SLC25A37: variants seen among roughly 807,000 people sequenced by gnomAD.
SLC25A37 encodes solute carrier family 25 member 37.
SLC25A37 carries 17 observed loss-of-function variants against 31.0 expected under a neutral mutation model. The observed-to-expected ratio is 0.55, with a 90% CI of 0.38 to 0.82. The LOEUF (loss-of-function observed/expected upper bound fraction) is 0.82, where lower values mean the gene tolerates loss of function less well. Ranked by LOEUF, SLC25A37 falls within the 40% of genes least tolerant of loss-of-function variation. The probability of loss-of-function intolerance (pLI) is 0.00; values close to 1 mark genes in which losing one functional copy is unlikely to be tolerated. For missense variants in SLC25A37, 404 were observed against 465.8 expected (o/e 0.87, Z 1.22); for synonymous variants, 222 against 193.0 (o/e 1.15, Z -1.24).
chr8:23,556,223 A>G (rs1285513270), intron 1 of SLC25A37, among the ~76,000 whole-genome samples: 1 of 141,056 alleles, frequency 7.1e-6, no homozygotes, highest in African/African-American at 2.7e-5. Flanking sequence ...AAACATTAAG[A>G]GCACCAATTT....
At chr8:23,559,195 G>A (rs956225803) in intron 1 of SLC25A37, among the ~76,000 whole-genome samples, 1 of 152,202 alleles carries the variant, frequency 6.6e-6, no homozygotes, top group Admixed American at 6.5e-5. Flanking sequence ...ATGGTAATGT[G>A]CTTATGCATT....
rs1429944957 is a variant in SLC25A37 at position 23,572,499 on chromosome 8, C to T, written c.*644C>T. 1.3e-5 allele frequency: 2 copies of T among 152,516 alleles called. No homozygotes were observed. The highest frequency in any genetic ancestry group is 3.8e-4 in the East Asian group (2 of 5,196). 9.4% of individuals were successfully genotyped at this position (152,516 alleles called of 1,614,324 possible). A position where few individuals can be genotyped will look rare whatever the true frequency, so the allele number is the denominator to read the frequency against. On this transcript the variant is annotated 3_prime_UTR_variant, in exon 4 of 4. Transcript: ENST00000519973. Reference sequence around the variant, plus strand: ...TGTGGCCGGCAGCTGTGTTTAGCCCCTCCAGATGGAAGTTTCACTTGAATG... The same window carrying T: ...TGTGGCCGGCAGCTGTGTTTAGCCCTTCCAGATGGAAGTTTCACTTGAATG...
rs1310095271 is a variant in SLC25A37, at chr8:23,571,716, A to G, written c.878A>G (p.Asn293Ser). 6.2e-7 allele frequency: 1 copy of G among 1,614,026 alleles called. No individual in the cohort carries two copies. Among genetic ancestry groups the G allele is most frequent in the Non-Finnish European group, 8.5e-7 (1 of 1,179,892 alleles). ...GCCTTCCGGACGGTGTACCAGCTCA[A>G]CGGCCTGGCCGGCTACTTCAAAGGC... ...ANAFRTVYQL[N>S]GLAGYFKGIQ... Residue 293 changes from asparagine (N) to serine (S), a missense_variant, in exon 4 of 4, where the codon AAC becomes AGC. Asn to Ser is a conservative substitution (Grantham distance 46, BLOSUM62 1). Transcript: ENST00000519973.
intron 1 of SLC25A37, among the ~76,000 whole-genome samples, chr8:23,530,802 G>T (rs1423742422): frequency 6.6e-6 from 1 of 152,214 alleles, no homozygotes; most frequent in African/African-American, 2.4e-5. Flanking sequence ...ACCCCACAGT[G>T]AGTTCACTTT....
At chr8:23,564,161 A>G (rs1205238947) in intron 1 of SLC25A37, among the ~76,000 whole-genome samples, 2 of 152,032 alleles carry the variant, frequency 1.3e-5, no homozygotes, top group Admixed American at 6.5e-5. Context: ...CTTTCTGGGC[A>G]AAATAAAAAG....
intron 1 of SLC25A37, among the ~76,000 whole-genome samples, chr8:23,530,528 T>G (rs990206000): frequency 3.3e-5 from 5 of 152,240 alleles, no homozygotes; most frequent in African/African-American, 1.2e-4. Context: ...CTGCTGGACC[T>G]AAGCCTGAGC....
intron 1 of SLC25A37, among the ~76,000 whole-genome samples, chr8:23,546,538 T>G (rs1317905613): frequency 4.5e-5 from 1 of 22,044 alleles, no homozygotes; most frequent in Non-Finnish European, 7.9e-5. Flanking sequence ...GGTGTATATA[T>G]ATATATATAT....
chr8:23,544,234 A>T (rs1354653497), intron 1 of SLC25A37, among the ~76,000 whole-genome samples: 1 of 152,228 alleles, frequency 6.6e-6, no homozygotes, highest in Non-Finnish European at 1.5e-5. Flanking sequence ...TGCAGTATTC[A>T]GTACAGTAGC....
rs535931723 is a variant in SLC25A37, at chr8:23,551,181, G to T, written c.211-14927G>T. ...AGAGCACTTTTGTCTGGGCCTCTGT[G>T]CCAGTGTAAACTGATAATAGTGATT... On this transcript the variant is annotated intron_variant, in intron 1 of 3. Coordinates refer to ENST00000519973, the MANE Select transcript of SLC25A37 (RefSeq NM_016612.4). Among the ~76,000 whole-genome samples, 4 of 152,340 alleles carry T rather than the reference G, an allele frequency of 2.6e-5. No individual in the cohort carries two copies. In the South Asian group the frequency reaches 6.2e-4, roughly 24 times the overall value.
intron 1 of SLC25A37, among the ~76,000 whole-genome samples, chr8:23,550,334 C>CT (rs1309679462): frequency 9.9e-6 from 1 of 101,238 alleles, no homozygotes; most frequent in Non-Finnish European, 1.7e-5. Flanking sequence ...GATCACAGTG[C>CT]TGCCGCCCTC....
intron 1 of SLC25A37, among the ~76,000 whole-genome samples, chr8:23,538,827 C>T (rs1434691328): frequency 6.6e-6 from 1 of 152,146 alleles, no homozygotes; most frequent in Non-Finnish European, 1.5e-5. Context: ...CAAGGTCTGG[C>T]GTGTATGGAC....
intron 1 of SLC25A37, among the ~76,000 whole-genome samples, chr8:23,548,949 A>G (rs1802148383): frequency 6.6e-6 from 1 of 151,714 alleles, no homozygotes; most frequent in Admixed American, 6.6e-5. Context: ...ACCTGTCACT[A>G]CCTCTGCCCT....
chr8:23,540,382 G>A (rs757643838), intron 1 of SLC25A37, among the ~76,000 whole-genome samples: 1 of 152,168 alleles, frequency 6.6e-6, no homozygotes, highest in East Asian at 1.9e-4. Flanking sequence ...TGATGATGGG[G>A]CCCAGCTGCA....
rs182714216 is a variant in SLC25A37, at chr8:23,565,150, A to T, written c.211-958A>T. Among the ~76,000 whole-genome samples the T allele has an allele frequency of 3.9e-3, 597 of 152,328 alleles. 4 individuals carry two copies. Among genetic ancestry groups the T allele is most frequent in the African/African-American group, 0.014 (568 of 41,562 alleles). ...GCCTTCAGCTGATTAAATGAGGTGTATGTACCCACAGTATACAGGTTAATC... is the reference window on the plus strand; with the variant it reads ...GCCTTCAGCTGATTAAATGAGGTGTTTGTACCCACAGTATACAGGTTAATC... On this transcript the variant is annotated intron_variant, in intron 1 of 3. Coordinates refer to ENST00000519973, the MANE Select transcript of SLC25A37 (RefSeq NM_016612.4).
rs370909037 is a variant in SLC25A37, at chr8:23,566,110, A to G, written c.213A>G (p.Thr71=). 18 of 1,578,972 alleles carry G rather than the reference A, an allele frequency of 1.1e-5. No individual in the cohort carries two copies. The highest frequency in any genetic ancestry group is 1.5e-5 in the Non-Finnish European group (18 of 1,169,184). Residue 71 remains threonine, a splice_region_variant and synonymous_variant, in exon 2 of 4, where the codon ACA becomes ACG. Coordinates refer to ENST00000519973, the MANE Select transcript of SLC25A37 (RefSeq NM_016612.4). Reference sequence around the variant, plus strand: ...TTTCTCTTCTTGCCCGCTCCCAGACACGAATGCAGAGTTTGAGTCCAGATC... The same window carrying G: ...TTTCTCTTCTTGCCCGCTCCCAGACGCGAATGCAGAGTTTGAGTCCAGATC... The part of the protein sequence containing the change: ...SVMYPVDSVK[T]RMQSLSPDPK...
At chr8:23,538,500 C>A (rs1801821891) in intron 1 of SLC25A37, among the ~76,000 whole-genome samples, 1 of 148,928 alleles carries the variant, frequency 6.7e-6, no homozygotes, top group South Asian at 2.1e-4. Flanking sequence ...ACAAAGAAGA[C>A]TTTCTTGGCT....
At chr8:23,534,435 A>T (rs78193753) in intron 1 of SLC25A37, among the ~76,000 whole-genome samples, 7,310 of 152,048 alleles carry the variant, frequency 0.048, 239 homozygotes, top group Admixed American at 0.098. Flanking sequence ...GGGGATCCTG[A>T]TTTTCTTCCT....
At chr8:23,562,250 CTGG>C (rs1802535558) in intron 1 of SLC25A37, among the ~76,000 whole-genome samples, 1 of 152,348 alleles carries the variant, frequency 6.6e-6, no homozygotes, top group Admixed American at 6.5e-5. Flanking sequence ...GTTAGGCCCC[CTGG>C]GACAGGTTGC....
Position 23,529,925 on chromosome 8 carries a change from C to A in SLC25A37, c.210+713C>A, listed in dbSNP as rs1801630965. ...AGGTGGGTGGGCTTGTGCCTTACAG[C>A]CCTTGCTGTGGATTGTGTGAGAGGC... On this transcript the variant is annotated intron_variant, in intron 1 of 3. Transcript: ENST00000519973. The surrounding 1 kb of genome is among the most constrained non-coding windows in gnomAD (Gnocchi z 4.1). Among the ~76,000 whole-genome samples the A allele has an allele frequency of 6.6e-6, 1 of 152,120 alleles. No individual in the cohort carries two copies. The highest frequency in any genetic ancestry group is 1.9e-4 in the East Asian group (1 of 5,160).
Sources: gnomAD v4.1 joint callset for allele counts (sites outside exome capture counted in the v4.1 genomes callset) on GRCh38, gnomAD v4.1.1 for gene constraint, Gnocchi (gnomAD v3.1) non-coding constraint, MANE v1.5 for transcripts, NCBI Gene and HGNC (gene_info 2026-07-23, HGNC 2026-07-21) for gene names.